Variants in C2CD5 observed in about 807,000 individuals in gnomAD.
C2CD5 encodes C2 calcium dependent domain containing 5, also known as C2 domain-containing protein 5.
In C2CD5, 109 loss-of-function variants were observed where a neutral mutation model predicts 130.3. The observed-to-expected ratio is 0.84, with a 90% CI of 0.72 to 0.98. The LOEUF is 0.98. Ranked by LOEUF, C2CD5 falls within the 50% of genes least tolerant of loss-of-function variation. The probability of loss-of-function intolerance (pLI) is 0.00; values close to 1 mark genes in which losing one functional copy is unlikely to be tolerated. For synonymous variants in C2CD5, 454 were observed against 429.2 expected (o/e 1.06, Z -0.71); for missense variants, 996 against 1,261.8 (o/e 0.79, Z 3.19).
chr12:22,533,870 A>G (rs1452950072), intron 3 of C2CD5, among the ~76,000 whole-genome samples: 1 of 152,220 alleles, frequency 6.6e-6, no homozygotes, highest in Non-Finnish European at 1.5e-5. Context: ...GAATTTCTAC[A>G]TGCATGAATT....
Position 22,544,498 on chromosome 12 carries a change from C to T in C2CD5, c.-208G>A, listed in dbSNP as rs1952761990. 1 of 190,644 alleles carries T rather than the reference C, an allele frequency of 5.2e-6. No individual in the cohort carries two copies. Among genetic ancestry groups the T allele is most frequent in the Non-Finnish European group, 1.1e-5 (1 of 93,288 alleles). 11.8% of individuals were successfully genotyped at this position (190,644 alleles called of 1,614,324 possible). A position where few individuals can be genotyped will look rare whatever the true frequency, so the allele number is the denominator to read the frequency against. On this transcript the variant is annotated 5_prime_UTR_variant, in exon 1 of 27. Coordinates refer to ENST00000446597, the MANE Select transcript of C2CD5 (RefSeq NM_001286176.2). ...GCCCCTGCTTGTCTCTCCTCCCCCG[C>T]TCTCAAAAATGGCGGCTCTCGGGGC...
chr12:22,477,560 G>C (rs909054464), intron 15 of C2CD5, among the ~76,000 whole-genome samples: 4 of 152,006 alleles, frequency 2.6e-5, no homozygotes, highest in Admixed American at 2.0e-4. Context: ...TGTGCACAAT[G>C]TGCAGGTTTG....
Position 22,484,815 on chromosome 12 carries a change from C to G in C2CD5, c.1432G>C (p.Ala478Pro). The change falls in exon 13 of 27, where the codon GCT (alanine) becomes CCT (proline). Residue 478 changes from alanine (A) to proline (P), a missense_variant. Around this residue, in one of 9 missense-constraint regions of C2CD5, gnomAD observed 590 missense variants for 631.4 expected, o/e 0.93. Coordinates refer to ENST00000446597, the MANE Select transcript of C2CD5 (RefSeq NM_001286176.2). ...CAGTTATAGCAATATGTGAGATGAG[C>G]TGGAAATGGCATATTCAGTTCATCA... ...PYDELNMPFP[A>P]HLTYCYNCRK... 1 of 1,609,178 alleles carries G rather than the reference C, an allele frequency of 6.2e-7. No homozygotes were observed.
intron 8 of C2CD5, 31 bp from the exon 9 acceptor site, chr12:22,513,410 A>C: frequency 7.1e-7 from 1 of 1,405,010 alleles, no homozygotes; most frequent in East Asian, 2.3e-5. Context: ...AATAACAACC[A>C]AAAAAGCAAC....
chr12:22,515,722 A>G (rs1461114751), intron 8 of C2CD5, among the ~76,000 whole-genome samples: 1 of 152,046 alleles, frequency 6.6e-6, no homozygotes, highest in South Asian at 2.1e-4. Context: ...ATATATTAAT[A>G]CTTTTCTTTT....
intron 11 of C2CD5, among the ~76,000 whole-genome samples, chr12:22,493,010 C>A (rs190276680): frequency 5.9e-5 from 9 of 152,232 alleles, no homozygotes; most frequent in Non-Finnish European, 1.2e-4. Context: ...TTTTAATGTA[C>A]AAATTGAGGC....
intron 15 of C2CD5, 50 bp downstream of exon 15, chr12:22,478,263 A>C: frequency 1.4e-6 from 2 of 1,455,258 alleles, no homozygotes; most frequent in Non-Finnish European, 1.9e-6. Flanking sequence ...CTAAAAATAT[A>C]CTAATAAACA....
chr12:22,542,053 T>C (rs1372024251), intron 2 of C2CD5, among the ~76,000 whole-genome samples: 1 of 152,200 alleles, frequency 6.6e-6, no homozygotes, highest in East Asian at 1.9e-4. Flanking sequence ...CTAAGAAATG[T>C]CCCACAAATC....
chr12:22,459,487 C>T lies in C2CD5; in HGVS notation c.2584+5G>A, dbSNP rs1294947189. 2.0e-6 allele frequency: 3 copies of T among 1,524,756 alleles called. No individual in the cohort carries two copies. The highest frequency in any genetic ancestry group is 4.9e-5 in the East Asian group (2 of 40,786). The allele number at this position is 1,524,756 out of a possible 1,614,324, so 94.5% of individuals were successfully genotyped here. ...GTGACTATTTGCTTAATTAGACAAA[C>T]TCACCTCTCTGTGCAGCTGGTATAC... On this transcript the variant is annotated splice_donor_5th_base_variant and intron_variant, in intron 23 of 26. Coordinates refer to ENST00000446597, the MANE Select transcript of C2CD5 (RefSeq NM_001286176.2).
rs1244397156 is a variant in C2CD5, at chr12:22,493,330, T to C, written c.1155A>G (p.Pro385=). Residue 385 remains proline, a synonymous_variant, in exon 11 of 27, where the codon CCA becomes CCG. Coordinates refer to ENST00000446597, the MANE Select transcript of C2CD5 (RefSeq NM_001286176.2). ...CTGCCCACCATGCATCTCGAGTTTC[T>C]GGTTCATCTGAAAAATAAATTTTAA... ...LLDRIHNPDE[P]ETRDAWWAEI... The C allele has an allele frequency of 1.9e-6, 3 of 1,591,928 alleles. No homozygotes were observed. Among genetic ancestry groups the C allele is most frequent in the Non-Finnish European group, 2.6e-6 (3 of 1,162,012 alleles).
intron 22 of C2CD5, chr12:22,460,486 CTT>C (rs1314921559): frequency 2.0e-5 from 3 of 152,094 alleles, no homozygotes; most frequent in African/African-American, 7.2e-5. Context: ...AATAAAAAAA[CTT>C]TTCAAAACAT....
intron 8 of C2CD5, among the ~76,000 whole-genome samples, chr12:22,517,096 T>G (rs1949804836): frequency 6.6e-6 from 1 of 151,978 alleles, no homozygotes; most frequent in Admixed American, 6.5e-5. Flanking sequence ...TTAGACTTCT[T>G]TTCCTTGTTT....
At chr12:22,540,008 AAAG>A (rs1952203169) in intron 2 of C2CD5, among the ~76,000 whole-genome samples, 1 of 151,090 alleles carries the variant, frequency 6.6e-6, no homozygotes, top group African/African-American at 2.4e-5. Flanking sequence ...AAAAAAAAAA[AAAG>A]AGAAAAAAAA....
intron 18 of C2CD5, 97 bp from the exon 19 acceptor site, chr12:22,472,162 T>C (rs977823698): frequency 1.5e-5 from 13 of 856,620 alleles, no homozygotes; most frequent in Admixed American, 4.8e-5. Context: ...CTAACTAATG[T>C]AGTAGAATAA....
At chr12:22,462,686 T>C (rs916411869) in intron 22 of C2CD5, among the ~76,000 whole-genome samples, 6 of 152,208 alleles carry the variant, frequency 3.9e-5, no homozygotes, top group African/African-American at 1.4e-4. Context: ...TCTAAATAAC[T>C]TGTCGTAACC....
intron 3 of C2CD5, among the ~76,000 whole-genome samples, chr12:22,529,709 C>G (rs1207487942): frequency 6.6e-6 from 1 of 152,018 alleles, no homozygotes; most frequent in Non-Finnish European, 1.5e-5. Flanking sequence ...TCTTAGCCTC[C>G]CTTGCAACTA....
intron 8 of C2CD5, among the ~76,000 whole-genome samples, chr12:22,515,769 T>C (rs1162100446): frequency 6.6e-6 from 1 of 152,044 alleles, no homozygotes; most frequent in Non-Finnish European, 1.5e-5. Flanking sequence ...CTGATCATAG[T>C]ATTATTTGCA....
At chr12:22,465,664 C>CTA (rs1415702202) in intron 22 of C2CD5, among the ~76,000 whole-genome samples, 4 of 151,768 alleles carry the variant, frequency 2.6e-5, no homozygotes, top group Non-Finnish European at 5.9e-5. Flanking sequence ...TTCTTTTTTT[C>CTA]TATATAGATA....
intron 6 of C2CD5, among the ~76,000 whole-genome samples, 187 bp downstream of exon 6, chr12:22,524,285 G>A (rs1950546114): frequency 6.6e-6 from 1 of 152,122 alleles, no homozygotes; most frequent in Non-Finnish European, 1.5e-5. Context: ...ACAAGCTTCT[G>A]ATTTGCATTT....
Sources: allele counts gnomAD v4.1 joint callset (sites outside exome capture counted in the v4.1 genomes callset), GRCh38; gene constraint gnomAD v4.1.1; regional missense constraint gnomAD v4.1.1; transcripts MANE v1.5; gene names NCBI Gene and HGNC (gene_info 2026-07-23, HGNC 2026-07-21).